Variants in FANCA observed in about 807,000 individuals in gnomAD.
The protein encoded by FANCA is FA complementation group A, also known as Fanconi anemia group A protein.
In FANCA, 236 loss-of-function variants were observed where a neutral mutation model predicts 194.3. The ratio of observed to expected loss-of-function variants is 1.21; its 90% CI spans 1.09 to 1.35. The LOEUF (loss-of-function observed/expected upper bound fraction) is 1.35, where lower values mean the gene tolerates loss of function less well. Ranked by LOEUF, FANCA falls within the 40% of genes most tolerant of loss-of-function variation. FANCA has a pLI of 0.00. For missense variants in FANCA, 2,628 were observed against 1,813.9 expected, an observed-to-expected ratio of 1.45 and a Z score of -8.15; for synonymous variants, 1,014 against 715.8, an observed-to-expected ratio of 1.42 and a Z score of -6.65.
chr16:89,746,589 C>T lies in FANCA; in HGVS notation c.3508G>A (p.Ala1170Thr), dbSNP rs778280114. Residue 1170 changes from alanine to threonine, a missense_variant, in exon 35 of 43, where the codon GCT (alanine) becomes ACT (threonine). Physicochemically the swap from Ala to Thr is moderately conservative, Grantham distance 58 (BLOSUM62 0). Transcript: ENST00000389301. ...QTKCPLILTS[A>T]LVWWPSLEPV... The stretch of plus-strand genomic sequence containing the variant: ...AAACAAGACAGCTGACCCACCAGAG[C>T]AGAGGTCAAAATTAAGGGGCATTTC... 6.2e-7 allele frequency: 1 copy of T among 1,613,840 alleles called. No homozygotes were observed. Among genetic ancestry groups the T allele is most frequent in the Non-Finnish European group, 8.5e-7 (1 of 1,179,730 alleles).
At chr16:89,800,896 G>A (rs1240875354) in intron 8 of FANCA, among the ~76,000 whole-genome samples, 2 of 151,882 alleles carry the variant, frequency 1.3e-5, no homozygotes, top group African/African-American at 4.8e-5. Context: ...AGCTAGGTGC[G>A]GTGGCGGGTG....
chr16:89,812,112 G>C (rs891106864), intron 3 of FANCA, among the ~76,000 whole-genome samples: 2 of 150,146 alleles, frequency 1.3e-5, no homozygotes, highest in Non-Finnish European at 3.0e-5. Context: ...GAGGCGGGCG[G>C]ATTACAAGGT....
At chr16:89,764,693 C>T (rs1311107115) in intron 28 of FANCA, 197 bp downstream of exon 28, 1 of 702,420 alleles carries the variant, frequency 1.4e-6, no homozygotes, top group Non-Finnish European at 2.6e-6. Context: ...CTGTTCTTGC[C>T]TCTGAGGAGA....
chr16:89,737,706 G>C lies in FANCA; in HGVS notation c.*895C>G, dbSNP rs1336123849. On this transcript the variant is annotated 3_prime_UTR_variant, in exon 43 of 43. Coordinates refer to ENST00000389301, the MANE Select transcript of FANCA (RefSeq NM_000135.4). The stretch of plus-strand genomic sequence containing the variant: ...CCCACTGCATGGTGAACCATGTGCA[G>C]AAATGTCTTCCCAGCTGTGATGGTT... 30 of 1,586,326 alleles carry C rather than the reference G, an allele frequency of 1.9e-5. No homozygotes were observed. Among genetic ancestry groups the C allele is most frequent in the Admixed American group, 3.4e-5 (2 of 57,996 alleles).
intron 12 of FANCA, 123 bp from the exon 13 acceptor site, chr16:89,792,191 C>T: frequency 8.4e-7 from 1 of 1,191,576 alleles, no homozygotes; most frequent in African/African-American, 1.5e-5. Context: ...AAAGGTAACA[C>T]ATGGAGCTGT....
intron 15 of FANCA, among the ~76,000 whole-genome samples, chr16:89,783,780 T>C (rs567588356): frequency 1.3e-5 from 2 of 152,106 alleles, no homozygotes; most frequent in Admixed American, 6.6e-5. Context: ...TTTTTTCTTT[T>C]GAGAGGGAGT....
At chr16:89,806,882 G>A (rs1386735250) in intron 6 of FANCA, among the ~76,000 whole-genome samples, 1 of 152,184 alleles carries the variant, frequency 6.6e-6, no homozygotes, top group Non-Finnish European at 1.5e-5. Flanking sequence ...CCCAGACGGG[G>A]TGGTGGCCGG....
At chr16:89,809,983 G>A (rs1002100973) in intron 5 of FANCA, among the ~76,000 whole-genome samples, 1 of 151,536 alleles carries the variant, frequency 6.6e-6, no homozygotes, top group African/African-American at 2.4e-5. Context: ...CCAAGATTGC[G>A]CCACTGCACT....
chr16:89,794,805 C>T (rs1231908926), intron 11 of FANCA, among the ~76,000 whole-genome samples: 1 of 152,202 alleles, frequency 6.6e-6, no homozygotes, highest in African/African-American at 2.4e-5. Flanking sequence ...GTCTGTCATA[C>T]ATGGGTAACA....
At position 89,780,567 on chromosome 16, in the gene FANCA, T is replaced by A. The variant is rs184780938; in HGVS notation, c.1627-610A>T. The stretch of plus-strand genomic sequence containing the variant: ...TGTGCCCAGGAAATCATGGCTCCAG[T>A]AAGCCATCATCATGCTACCCTACTG... On this transcript the variant is annotated intron_variant, in intron 17 of 42. Coordinates refer to ENST00000389301, the MANE Select transcript of FANCA (RefSeq NM_000135.4). Among the ~76,000 whole-genome samples, 567 of 150,724 alleles carry A rather than the reference T, an allele frequency of 3.8e-3. 15 individuals are homozygous for A. In the South Asian group the frequency reaches 0.048, roughly 13 times the overall value.
intron 2 of FANCA, 135 bp downstream of exon 2, chr16:89,815,741 CA>C: frequency 1.3e-6 from 1 of 759,066 alleles, no homozygotes; most frequent in South Asian, 1.4e-5. Flanking sequence ...CTCCCGGGCT[CA>C]GGCGACCCTC....
intron 38 of FANCA, 178 bp from the exon 39 acceptor site, chr16:89,740,277 T>G: frequency 1.6e-6 from 1 of 643,384 alleles, no homozygotes; most frequent in South Asian, 1.7e-5. Flanking sequence ...GAGGCTCAGG[T>G]AGGAGGCCAG....
At chr16:89,738,816 C>G in intron 42 of FANCA, 66 bp downstream of exon 42, 1 of 1,614,018 alleles carries the variant, frequency 6.2e-7, no homozygotes, top group Non-Finnish European at 8.5e-7. Context: ...CAGGCAGGCA[C>G]ATGGCCCAGG....
At chr16:89,776,602 C>A (rs2039514979) in intron 20 of FANCA, among the ~76,000 whole-genome samples, 1 of 151,328 alleles carries the variant, frequency 6.6e-6, no homozygotes, top group Admixed American at 6.6e-5. Context: ...CCGAGGCAGG[C>A]AGATCAGGAG....
intron 28 of FANCA, chr16:89,762,790 C>G: frequency 2.2e-6 from 1 of 449,250 alleles, no homozygotes; most frequent in Non-Finnish European, 4.5e-6. Context: ...ATCACCATGA[C>G]CAGCTAAGTT....
chr16:89,779,388 C>A (rs1258511003), intron 18 of FANCA, among the ~76,000 whole-genome samples: 1 of 152,046 alleles, frequency 6.6e-6, no homozygotes, highest in Non-Finnish European at 1.5e-5. Context: ...GAGATCATAC[C>A]AAATTCAATA....
chr16:89,786,165 C>T (rs896015033), intron 14 of FANCA, among the ~76,000 whole-genome samples: 1 of 143,396 alleles, frequency 7.0e-6, no homozygotes, highest in East Asian at 2.3e-4. Context: ...ACTACAAGCA[C>T]GTGCCACCAA....
intron 10 of FANCA, chr16:89,798,728 G>T: frequency 7.5e-7 from 1 of 1,341,016 alleles, no homozygotes; most frequent in Non-Finnish European, 9.6e-7. Flanking sequence ...TGGTGAATCT[G>T]AGCAGGATCT....
chr16:89,770,299 A>T, intron 24 of FANCA, 40 bp from the exon 25 acceptor site: 1 of 1,489,348 alleles, frequency 6.7e-7, no homozygotes. Context: ...CTAGCCATTC[A>T]GTCCTGCACA....
Sources: allele counts gnomAD v4.1 joint callset (sites outside exome capture counted in the v4.1 genomes callset), GRCh38; gene constraint gnomAD v4.1.1; transcripts MANE v1.5; gene names NCBI Gene and HGNC (gene_info 2026-07-23, HGNC 2026-07-21).